Variants in DACH1 observed in about 807,000 individuals in gnomAD.
DACH1 encodes dachshund homolog 1.
In DACH1, 12 loss-of-function variants were observed where a neutral mutation model predicts 54.2. The observed-to-expected ratio is 0.22, with a 90% CI of 0.14 to 0.36. The LOEUF (loss-of-function observed/expected upper bound fraction) is 0.36. Among genes scored for constraint, DACH1 ranks in the 10% least tolerant of loss-of-function variants. DACH1 has a pLI of 1.00. For missense variants in DACH1, 805 were observed against 929.8 expected, an observed-to-expected ratio of 0.87 and a Z score of 1.75; for synonymous variants, 386 against 366.2, an observed-to-expected ratio of 1.05 and a Z score of -0.62.
chr13:71,675,201 T>G, intron 2 of DACH1: 4 of 1,574,984 alleles, frequency 2.5e-6, no homozygotes, highest in Non-Finnish European at 3.5e-6. Context: ...GGCCTGGTAC[T>G]GTGGCGCTCC....
intron 1 of DACH1, among the ~76,000 whole-genome samples, chr13:71,697,928 A>C (rs993790255): frequency 6.6e-6 from 1 of 152,226 alleles, no homozygotes; most frequent in African/African-American, 2.4e-5. Context: ...ATGAGTAAAA[A>C]GTCTATATTT....
At chr13:71,807,219 T>C (rs1397779812) in intron 1 of DACH1, among the ~76,000 whole-genome samples, 1 of 152,156 alleles carries the variant, frequency 6.6e-6, no homozygotes, top group Non-Finnish European at 1.5e-5. Context: ...TAGTTTTATG[T>C]CCAAAAACAA....
Position 71,603,172 on chromosome 13 carries a change from T to A in DACH1, c.1126+27384A>T, listed in dbSNP as rs1874628979. 2.6e-5 allele frequency among the ~76,000 whole-genome samples: 4 copies of A among 151,948 alleles called. No homozygotes were observed. In the South Asian group the frequency reaches 8.3e-4, roughly 31 times the overall value. ...TGCTTTTTTGTTTGTTTTGGAAAAA[T>A]TGAATTTTTTTGACATATTGGATTA... On this transcript the variant is annotated intron_variant, in intron 3 of 10. Coordinates refer to ENST00000613252, the MANE Select transcript of DACH1 (RefSeq NM_080759.6).
intron 1 of DACH1, among the ~76,000 whole-genome samples, chr13:71,813,884 A>C (rs1420079580): frequency 1.3e-5 from 2 of 152,194 alleles, no homozygotes; most frequent in East Asian, 3.9e-4. Flanking sequence ...AGAGATGAAG[A>C]TATCTATCCA....
intron 6 of DACH1, among the ~76,000 whole-genome samples, chr13:71,499,871 A>C (rs1046082662): frequency 6.6e-6 from 1 of 152,170 alleles, no homozygotes; most frequent in Admixed American, 6.5e-5. Context: ...TCAAACAAAA[A>C]ATGCACTCCC....
At chr13:71,779,106 TATATACATATATACAC>T (rs202055090) in intron 1 of DACH1, among the ~76,000 whole-genome samples, 4,819 of 133,850 alleles carry the variant, frequency 0.036, 177 homozygotes, top group African/African-American at 0.092. Context: ...TGAATATATA[TATATACATATATACAC>T]ATATATACAT....
intron 7 of DACH1, among the ~76,000 whole-genome samples, chr13:71,485,927 C>A (rs967004689): frequency 6.6e-6 from 1 of 151,420 alleles, no homozygotes; most frequent in Non-Finnish European, 1.5e-5. Context: ...CAGTATAGCT[C>A]AAATAGTTAA....
Position 71,581,428 on chromosome 13 carries a change from A to C in DACH1, c.1127-8416T>G, listed in dbSNP as rs149791354. 1.2e-3 allele frequency among the ~76,000 whole-genome samples: 182 copies of C among 152,030 alleles called. 2 individuals are homozygous for C. In the East Asian group the frequency reaches 0.028, roughly 23 times the overall value. ...CAGCACACGCCACCATGCCCAGCTA[A>C]TTTTTGCATTTTAGTAGAGACGGGC... is the stretch of plus-strand genomic sequence containing the variant. On this transcript the variant is annotated intron_variant, in intron 3 of 10. Transcript: ENST00000613252.
At chr13:71,690,462 C>G (rs1046227089) in intron 1 of DACH1, among the ~76,000 whole-genome samples, 1 of 152,156 alleles carries the variant, frequency 6.6e-6, no homozygotes, top group African/African-American at 2.4e-5. Flanking sequence ...CTCTCTTTTA[C>G]AATTATGTGC....
chr13:71,691,291 T>TGGAA (rs1364242331), intron 1 of DACH1, among the ~76,000 whole-genome samples: 1 of 152,204 alleles, frequency 6.6e-6, no homozygotes, highest in Non-Finnish European at 1.5e-5. Flanking sequence ...TGTTTTTGTT[T>TGGAA]TATTTTTGAA....
intron 6 of DACH1, among the ~76,000 whole-genome samples, chr13:71,545,058 C>T (rs1051217387): frequency 4.6e-5 from 7 of 151,972 alleles, no homozygotes; most frequent in African/African-American, 9.7e-5. Context: ...TGGCACAACA[C>T]GTATACAGTG....
chr13:71,621,147 G>A (rs768734792), intron 3 of DACH1, among the ~76,000 whole-genome samples: 12 of 151,416 alleles, frequency 7.9e-5, no homozygotes, highest in East Asian at 1.9e-4. Flanking sequence ...CTTCTTTGTC[G>A]CTATGCAGCT....
At chr13:71,553,014 T>C (rs1238276830) in intron 6 of DACH1, among the ~76,000 whole-genome samples, 1 of 147,872 alleles carries the variant, frequency 6.8e-6, no homozygotes, top group African/African-American at 2.5e-5. Flanking sequence ...AAACCCTGTC[T>C]CTACTAAAAA....
intron 6 of DACH1, among the ~76,000 whole-genome samples, chr13:71,532,952 G>A (rs1882511949): frequency 6.6e-6 from 1 of 151,786 alleles, no homozygotes; most frequent in Non-Finnish European, 1.5e-5. Flanking sequence ...ACATTATACT[G>A]AGAAAAGTTA....
At chr13:71,742,166 G>A (rs558407683) in intron 1 of DACH1, among the ~76,000 whole-genome samples, 121 of 151,902 alleles carry the variant, frequency 8.0e-4, no homozygotes, top group African/African-American at 2.8e-3. Flanking sequence ...AGTACCTTTC[G>A]CCTCCTGCCA....
At chr13:71,482,759 A>C (rs73518994) in intron 7 of DACH1, among the ~76,000 whole-genome samples, 3,042 of 151,714 alleles carry the variant, frequency 0.02, 69 homozygotes, top group African/African-American at 0.052. Context: ...ACCAAAAAAC[A>C]AACAAATAAT....
chr13:71,707,200 G>A (rs545656144), intron 1 of DACH1, among the ~76,000 whole-genome samples: 2 of 152,296 alleles, frequency 1.3e-5, no homozygotes, highest in African/African-American at 4.8e-5. Context: ...CTGTGTAAAT[G>A]CAACATAATA....
intron 1 of DACH1, among the ~76,000 whole-genome samples, chr13:71,807,171 A>C (rs1341306456): frequency 6.6e-6 from 1 of 152,192 alleles, no homozygotes; most frequent in Non-Finnish European, 1.5e-5. Context: ...CAGCACAAGT[A>C]ATATTTGTGC....
At chr13:71,721,966 G>A (rs1883248897) in intron 1 of DACH1, among the ~76,000 whole-genome samples, 1 of 152,018 alleles carries the variant, frequency 6.6e-6, no homozygotes, top group South Asian at 2.1e-4. Flanking sequence ...TATAAGGATA[G>A]AATTAGAAAT....
Sources: allele counts gnomAD v4.1 joint callset (sites outside exome capture counted in the v4.1 genomes callset), GRCh38; gene constraint gnomAD v4.1.1; transcripts MANE v1.5; gene names NCBI Gene and HGNC (gene_info 2026-07-23, HGNC 2026-07-21).